WWTR1: variants seen among roughly 807,000 people sequenced by gnomAD.
WWTR1 encodes WW domain-containing transcription regulator protein 1.
In WWTR1, 13 loss-of-function variants were observed where a neutral mutation model predicts 40.1. That is an observed-to-expected ratio of 0.32 (90% CI 0.21 to 0.52). The LOEUF is 0.52. Among genes scored for constraint, WWTR1 ranks in the 20% least tolerant of loss-of-function variants. The pLI, the probability that WWTR1 is intolerant of heterozygous loss-of-function variation, is 0.97. For synonymous variants in WWTR1, 230 were observed against 210.1 expected (o/e 1.09, Z -0.82); for missense variants, 436 against 523.1 (o/e 0.83, Z 1.63).
At chr3:149,676,047 G>A (rs777803336) in intron 1 of WWTR1, among the ~76,000 whole-genome samples, 11 of 152,120 alleles carry the variant, frequency 7.2e-5, no homozygotes, top group Non-Finnish European at 1.2e-4. Flanking sequence ...GCAGAAACTG[G>A]TATCTACTGG....
rs1734918166 is a variant in WWTR1, at chr3:149,518,996, CG to C, written c.*1808del. 1 of 151,776 alleles carries C rather than the reference CG, an allele frequency of 6.6e-6. No homozygotes were observed. The highest frequency in any genetic ancestry group is 6.6e-5 in the Admixed American group (1 of 15,220). The allele number at this position is 151,776 out of a possible 1,614,324, so 9.4% of individuals were successfully genotyped here. On this transcript the variant is annotated 3_prime_UTR_variant, in exon 7 of 7. Coordinates refer to ENST00000360632, the MANE Select transcript of WWTR1 (RefSeq NM_015472.6). ...CAATGTACTCTGTACATGTATATTC[CG>C]GTAGATCAAAAGGAATCTTATTTAA...
In WWTR1 at chr3:149,544,228, T is replaced by C. The variant is rs1032296169; in HGVS notation, c.569-1691A>G. Reference sequence around the variant, plus strand: ...TATGTGTATATTTGAACGACATATATGTACATTTGAAAGACAATACCAACA... The same window carrying C: ...TATGTGTATATTTGAACGACATATACGTACATTTGAAAGACAATACCAACA... On this transcript the variant is annotated intron_variant, in intron 3 of 6. Transcript: ENST00000360632. Among the ~76,000 whole-genome samples, 17 of 152,220 alleles carry C rather than the reference T, an allele frequency of 1.1e-4. 1 individual carries two copies. The highest frequency in any genetic ancestry group is 5.9e-4 in the Admixed American group (9 of 15,288).
chr3:149,592,674 G>C (rs1738786596), intron 2 of WWTR1, among the ~76,000 whole-genome samples: 1 of 152,122 alleles, frequency 6.6e-6, no homozygotes, highest in South Asian at 2.1e-4. Flanking sequence ...AAATTAACTT[G>C]TGTTTTTAAA....
chr3:149,579,762 T>G (rs534172560), intron 2 of WWTR1, among the ~76,000 whole-genome samples: 1 of 152,244 alleles, frequency 6.6e-6, no homozygotes, highest in East Asian at 1.9e-4. Context: ...TTTGATTTAC[T>G]AGGCCAATTC....
chr3:149,684,546 T>C (rs1029134763), intron 1 of WWTR1, among the ~76,000 whole-genome samples: 2 of 151,094 alleles, frequency 1.3e-5, no homozygotes, highest in Non-Finnish European at 2.9e-5. Flanking sequence ...TAGGTCTGTC[T>C]CATATCTCAT....
intron 2 of WWTR1, among the ~76,000 whole-genome samples, chr3:149,597,987 G>A (rs1739077884): frequency 6.6e-6 from 1 of 152,170 alleles, no homozygotes; most frequent in Non-Finnish European, 1.5e-5. Context: ...TTCTGTATCT[G>A]CTTCACTCAA....
intron 3 of WWTR1, among the ~76,000 whole-genome samples, chr3:149,569,560 G>A (rs1282347366): frequency 6.6e-6 from 1 of 152,098 alleles, no homozygotes; most frequent in Non-Finnish European, 1.5e-5. Context: ...AACATACAGG[G>A]ACCAAATACA....
chr3:149,673,202 CCT>C (rs1714152642), intron 1 of WWTR1, among the ~76,000 whole-genome samples: 2 of 151,598 alleles, frequency 1.3e-5, no homozygotes, highest in African/African-American at 2.4e-5. Context: ...ATAGTGAGAC[CCT>C]GTCTCTGTTT....
At chr3:149,534,013 C>T (rs1735708831) in intron 4 of WWTR1, among the ~76,000 whole-genome samples, 1 of 151,992 alleles carries the variant, frequency 6.6e-6, no homozygotes, top group South Asian at 2.1e-4. Flanking sequence ...ACTAAAGATA[C>T]AAAAAAATTA....
intron 2 of WWTR1, among the ~76,000 whole-genome samples, chr3:149,577,490 CCA>C (rs1360988618): frequency 6.6e-6 from 1 of 152,086 alleles, no homozygotes; most frequent in East Asian, 1.9e-4. Context: ...CCACTACTTC[CCA>C]GACAGCCTCC....
intron 3 of WWTR1, among the ~76,000 whole-genome samples, chr3:149,545,382 CT>C (rs749552538): frequency 2.0e-5 from 3 of 152,268 alleles, no homozygotes; most frequent in Non-Finnish European, 4.4e-5. Context: ...AAAGTATGTT[CT>C]TACTAGTAGT....
At chr3:149,595,110 C>A (rs1258841251) in intron 2 of WWTR1, among the ~76,000 whole-genome samples, 1 of 151,430 alleles carries the variant, frequency 6.6e-6, no homozygotes, top group African/African-American at 2.4e-5. Context: ...TACAGGCATG[C>A]ACCACCACGC....
intron 4 of WWTR1, among the ~76,000 whole-genome samples, chr3:149,531,155 G>A (rs766876825): frequency 2.6e-5 from 4 of 152,132 alleles, no homozygotes; most frequent in Middle Eastern, 3.2e-3. Flanking sequence ...TGCTGGTCTC[G>A]AACTCCTGGC....
chr3:149,537,835 A>G (rs1429114194), intron 4 of WWTR1, among the ~76,000 whole-genome samples: 1 of 152,206 alleles, frequency 6.6e-6, no homozygotes, highest in Non-Finnish European at 1.5e-5. Context: ...TACAGGATGT[A>G]GTTTTGGGGG....
chr3:149,647,042 GA>G lies in WWTR1; in HGVS notation c.431+9833del, dbSNP rs557308909. Among the ~76,000 whole-genome samples, 10 of 150,374 alleles carry G rather than the reference GA, an allele frequency of 6.7e-5. No individual in the cohort carries two copies. The East Asian group carries it at 1.4e-3, about 21-fold the overall frequency. On this transcript the variant is annotated intron_variant, in intron 2 of 6. Coordinates refer to ENST00000360632, the MANE Select transcript of WWTR1 (RefSeq NM_015472.6). ...AACTCCAAGATATATTATACTAAGT[GA>G]AAAAAAAAGAAGGTGCAGAAGAGTG...
intron 2 of WWTR1, among the ~76,000 whole-genome samples, chr3:149,594,207 A>G (rs1738865748): frequency 6.6e-6 from 1 of 152,218 alleles, no homozygotes; most frequent in African/African-American, 2.4e-5. Flanking sequence ...ATATAGCAGA[A>G]GCCTAAGAAT....
chr3:149,598,397 A>G (rs1739099358), intron 2 of WWTR1, among the ~76,000 whole-genome samples: 2 of 152,246 alleles, frequency 1.3e-5, no homozygotes, highest in Admixed American at 1.3e-4. Context: ...GAGGAAACTG[A>G]GGCTCAAAAG....
chr3:149,543,496 C>T (rs1157604393), intron 3 of WWTR1, among the ~76,000 whole-genome samples: 2 of 138,740 alleles, frequency 1.4e-5, no homozygotes, highest in Non-Finnish European at 3.0e-5. Flanking sequence ...GTCAGGGACT[C>T]GCTTGAACCC....
At chr3:149,687,526 A>G (rs905058223) in intron 1 of WWTR1, among the ~76,000 whole-genome samples, 2 of 152,246 alleles carry the variant, frequency 1.3e-5, no homozygotes, top group Non-Finnish European at 2.9e-5. Context: ...TACCAGGTTC[A>G]CATGTTAACT....
Sources: allele counts gnomAD v4.1 joint callset (sites outside exome capture counted in the v4.1 genomes callset), GRCh38; gene constraint gnomAD v4.1.1; transcripts MANE v1.5; gene names NCBI Gene and HGNC (gene_info 2026-07-23, HGNC 2026-07-21).